NEBL: variants seen among roughly 807,000 people sequenced by gnomAD.
NEBL encodes the protein LIM and SH3 protein 2.
In NEBL, 122 loss-of-function variants were observed where a neutral mutation model predicts 140.2. That is an observed-to-expected ratio of 0.87 (90% CI 0.75 to 1.01). The LOEUF is 1.01. NEBL is among the 50% of genes least tolerant of loss of function. The pLI, the probability that NEBL is intolerant of heterozygous loss-of-function variation, is 0.00. For missense variants in NEBL, 1,365 were observed against 1,231.3 expected (o/e 1.11, Z -1.62); for synonymous variants, 436 against 398.9 (o/e 1.09, Z -1.11).
At chr10:21,095,029 G>C (rs1837118314) in intron 2 of NEBL, among the ~76,000 whole-genome samples, 1 of 152,166 alleles carries the variant, frequency 6.6e-6, no homozygotes, top group African/African-American at 2.4e-5. Context: ...ACACCACTAA[G>C]CATTATGATC....
chr10:21,017,822 T>TC (rs1491097264), intron 3 of NEBL, among the ~76,000 whole-genome samples: 15 of 130,522 alleles, frequency 1.1e-4, no homozygotes, highest in African/African-American at 4.1e-4. Context: ...GATTCTTCTC[T>TC]TTTTTTTTTT....
intron 2 of NEBL, among the ~76,000 whole-genome samples, chr10:21,047,085 C>A (rs1176911543): frequency 1.3e-5 from 2 of 152,204 alleles, no homozygotes; most frequent in African/African-American, 2.4e-5. Context: ...GCCATGCAGA[C>A]TTTCCAGATG....
intron 4 of NEBL, among the ~76,000 whole-genome samples, chr10:20,923,594 G>A (rs915518385): frequency 2.2e-5 from 3 of 134,652 alleles, no homozygotes; most frequent in African/African-American, 5.5e-5. Flanking sequence ...CAGGAGAATC[G>A]CTTGAACCCG....
chr10:20,803,816 T>A (rs55997015), intron 26 of NEBL, among the ~76,000 whole-genome samples: 43,658 of 127,462 alleles, frequency 0.34, 8,844 homozygotes, highest in African/African-American at 0.61. Context: ...ACGAAAAATA[T>A]ATATATATAT....
chr10:21,246,421 C>G (rs1463794652), intron 3 of NEBL, among the ~76,000 whole-genome samples: 1 of 152,152 alleles, frequency 6.6e-6, no homozygotes, highest in African/African-American at 2.4e-5. Context: ...AGGTTTATAG[C>G]AATTCTATTC....
chr10:20,923,144 C>G (rs1482631141), intron 4 of NEBL, among the ~76,000 whole-genome samples: 1 of 152,136 alleles, frequency 6.6e-6, no homozygotes, highest in Non-Finnish European at 1.5e-5. Context: ...TCACGGCTCA[C>G]TGCAGCCTTA....
chr10:20,899,323 G>A, upstream of NEBL: 1 of 1,095,498 alleles, frequency 9.1e-7, no homozygotes, highest in Non-Finnish European at 1.2e-6. Context: ...GCTCATATTT[G>A]AGGAGACAGT....
intron 2 of NEBL, among the ~76,000 whole-genome samples, chr10:21,159,751 T>C (rs1293734555): frequency 1.3e-5 from 2 of 152,218 alleles, no homozygotes; most frequent in South Asian, 2.1e-4. Context: ...TTTCTATTCA[T>C]GGATTCACCT....
At chr10:20,833,895 A>G (rs1266426623) in intron 14 of NEBL, among the ~76,000 whole-genome samples, 1 of 152,202 alleles carries the variant, frequency 6.6e-6, no homozygotes, top group Non-Finnish European at 1.5e-5. Context: ...GATTTAGACC[A>G]CCACTATGGG....
At chr10:21,161,504 A>T (rs1840559003) in intron 2 of NEBL, among the ~76,000 whole-genome samples, 1 of 152,206 alleles carries the variant, frequency 6.6e-6, no homozygotes, top group Admixed American at 6.5e-5. Flanking sequence ...TTGTAGACAA[A>T]GGCAATTAGA....
At chr10:20,791,011 C>A (rs1835913795) in intron 26 of NEBL, among the ~76,000 whole-genome samples, 1 of 152,218 alleles carries the variant, frequency 6.6e-6, no homozygotes, top group South Asian at 2.1e-4. Context: ...AAATGGGGGA[C>A]AATGGCTTTT....
intron 3 of NEBL, among the ~76,000 whole-genome samples, chr10:21,214,514 A>G (rs1841961349): frequency 6.6e-6 from 1 of 151,666 alleles, no homozygotes; most frequent in Non-Finnish European, 1.5e-5. Flanking sequence ...ACACACATGC[A>G]CACATGCACA....
intron 2 of NEBL, among the ~76,000 whole-genome samples, chr10:21,163,300 C>T (rs1350869611): frequency 6.6e-6 from 1 of 152,090 alleles, no homozygotes; most frequent in East Asian, 1.9e-4. Context: ...ACTGTGGTGG[C>T]AGGAAATGCA....
At position 20,897,253 on chromosome 10, in the gene NEBL, T is replaced by C; in HGVS notation, c.-48A>G. On this transcript the variant is annotated 5_prime_UTR_variant, in exon 1 of 28. Transcript: ENST00000377122. ...ATTTTTAAAATTTACTCATGTGGCG[T>C]CCTTTTCCATACCACAGTGCCCTTG... 6.5e-7 allele frequency: 1 copy of C among 1,532,280 alleles called. No homozygotes were observed. The allele number at this position is 1,532,280 out of a possible 1,614,324, so 94.9% of individuals were successfully genotyped here.
chr10:21,127,914 G>C lies in NEBL; in HGVS notation c.164+44469C>G, dbSNP rs560487066. Among the ~76,000 whole-genome samples, 3 of 152,284 alleles carry C rather than the reference G, an allele frequency of 2.0e-5. No individual in the cohort carries two copies. The South Asian group carries it at 6.2e-4, about 32-fold the overall frequency. Reference sequence around the variant, plus strand: ...AATTGAAAGAGATAACCAATAAAATGTGAACATGAACTGTGTTAAAAGGAA... The same window carrying C: ...AATTGAAAGAGATAACCAATAAAATCTGAACATGAACTGTGTTAAAAGGAA... On this transcript the variant is annotated intron_variant, in intron 2 of 6. Coordinates refer to the NEBL transcript ENST00000417816.
intron 3 of NEBL, among the ~76,000 whole-genome samples, chr10:21,016,449 A>G (rs912084341): frequency 2.6e-5 from 4 of 152,238 alleles, no homozygotes; most frequent in Non-Finnish European, 5.9e-5. Context: ...AGAGGGGGGG[A>G]AATAAAAAGA....
chr10:21,088,399 G>T (rs919238367), intron 2 of NEBL, among the ~76,000 whole-genome samples: 21 of 152,182 alleles, frequency 1.4e-4, no homozygotes, highest in Middle Eastern at 3.4e-3. Context: ...AGGCAGGATT[G>T]CTTGAGCCCA....
At chr10:21,258,925 T>C (rs553806265) in intron 1 of NEBL, among the ~76,000 whole-genome samples, 1 of 152,102 alleles carries the variant, frequency 6.6e-6, no homozygotes, top group Non-Finnish European at 1.5e-5. Context: ...AGGTACTTTA[T>C]GTAGTTTAGG....
At chr10:21,079,564 A>C (rs1021669951) in intron 2 of NEBL, among the ~76,000 whole-genome samples, 2 of 152,170 alleles carry the variant, frequency 1.3e-5, no homozygotes, top group Non-Finnish European at 2.9e-5. Context: ...GCTTTATAAA[A>C]ATAGGGCTCC....
Sources: allele counts gnomAD v4.1 joint callset (sites outside exome capture counted in the v4.1 genomes callset), GRCh38; gene constraint gnomAD v4.1.1; transcripts MANE v1.5; gene names NCBI Gene and HGNC (gene_info 2026-07-23, HGNC 2026-07-21).